Variants in MINDY2 observed in about 807,000 individuals in gnomAD.
The protein encoded by MINDY2 is MINDY lysine 48 deubiquitinase 2, also known as ubiquitin carboxyl-terminal hydrolase MINDY-2.
A neutral mutation model predicts 68.2 loss-of-function variants in MINDY2; 52 were observed. The observed-to-expected ratio is 0.76, with a 90% CI of 0.61 to 0.96. MINDY2 has a LOEUF of 0.96. MINDY2 is among the 40% of genes least tolerant of loss of function. The pLI, the probability that MINDY2 is intolerant of heterozygous loss-of-function variation, is 0.00. For missense variants in MINDY2, 881 were observed against 773.4 expected (o/e 1.14, Z -1.65); for synonymous variants, 372 against 303.0 (o/e 1.23, Z -2.36).
At chr15:58,831,041 G>GTATATATATATATATATATA (rs61211927) in intron 5 of MINDY2, among the ~76,000 whole-genome samples, 75 of 124,908 alleles carry the variant, frequency 6.0e-4, no homozygotes, top group African/African-American at 2.2e-3. Flanking sequence ...GTGTGTGTGT[G>GTATATATATATATATATATA]TATATATATA....
At chr15:58,776,050 G>T (rs1393216413) in intron 1 of MINDY2, among the ~76,000 whole-genome samples, 1 of 152,010 alleles carries the variant, frequency 6.6e-6, no homozygotes, top group African/African-American at 2.4e-5. Flanking sequence ...AGTACAGACA[G>T]GGTTTCACCA....
intron 2 of MINDY2, among the ~76,000 whole-genome samples, chr15:58,798,413 C>G (rs556220745): frequency 1.3e-5 from 2 of 151,962 alleles, no homozygotes; most frequent in East Asian, 1.9e-4. Flanking sequence ...GCGTGAGCCA[C>G]CACACCCAGA....
intron 2 of MINDY2, among the ~76,000 whole-genome samples, chr15:58,797,256 C>T (rs929339543): frequency 6.6e-6 from 1 of 152,084 alleles, no homozygotes; most frequent in African/African-American, 2.4e-5. Flanking sequence ...CCTTTTATCC[C>T]AGCACTTCGC....
rs1175965095 is a variant in MINDY2, at chr15:58,860,993, C to T, written c.*6383C>T. 2 of 152,092 alleles carry T rather than the reference C, an allele frequency of 1.3e-5. No homozygotes were observed. Among genetic ancestry groups the T allele is most frequent in the Non-Finnish European group, 2.9e-5 (2 of 68,030 alleles). 9.4% of individuals were successfully genotyped at this position (152,092 alleles called of 1,614,324 possible). On this transcript the variant is annotated 3_prime_UTR_variant, in exon 9 of 9. Transcript: ENST00000559228. ...ACAGATTCACACATTACAAGTAGGA[C>T]AGTATAACAGGAGATTGGTGTGTGA...
chr15:58,827,575 T>TG (rs1460213119), intron 5 of MINDY2, among the ~76,000 whole-genome samples: 1 of 152,132 alleles, frequency 6.6e-6, no homozygotes, highest in Non-Finnish European at 1.5e-5. Flanking sequence ...GCCGTTCTCT[T>TG]GCCTCAGCCT....
rs1033267994 is a variant in MINDY2 at position 58,861,709 on chromosome 15, A to C, written c.*7099A>C. 5 of 152,200 alleles carry C rather than the reference A, an allele frequency of 3.3e-5. No individual in the cohort carries two copies. The highest frequency in any genetic ancestry group is 5.9e-5 in the Non-Finnish European group (4 of 68,042). 9.4% of individuals were successfully genotyped at this position (152,200 alleles called of 1,614,324 possible). On this transcript the variant is annotated 3_prime_UTR_variant, in exon 9 of 9. Transcript: ENST00000559228. ...GATGGTAAAGTATAAAATATTTCTG[A>C]CAGAATTATTCAGTATTATTCAACA...
chr15:58,808,715 C>A (rs1409137242), intron 3 of MINDY2, among the ~76,000 whole-genome samples: 1 of 152,190 alleles, frequency 6.6e-6, no homozygotes, highest in Non-Finnish European at 1.5e-5. Flanking sequence ...TGCCATTCTC[C>A]TGCCTCAGCC....
At chr15:58,826,825 C>G (rs2031426490) in intron 5 of MINDY2, among the ~76,000 whole-genome samples, 1 of 152,056 alleles carries the variant, frequency 6.6e-6, no homozygotes, top group African/African-American at 2.4e-5. Context: ...CTTCTGTAAT[C>G]TAGAATAGTT....
At position 58,786,292 on chromosome 15, in the gene MINDY2, CAAAAT is replaced by C. The variant is rs558641222; in HGVS notation, c.841-1611_841-1607del. Among the ~76,000 whole-genome samples the C allele has an allele frequency of 2.0e-4, 30 of 152,272 alleles. No individual in the cohort carries two copies. The East Asian group carries it at 5.6e-3, about 28-fold the overall frequency. On this transcript the variant is annotated intron_variant, in intron 1 of 8. Coordinates refer to ENST00000559228, the MANE Select transcript of MINDY2 (RefSeq NM_001040450.3). The stretch of plus-strand genomic sequence containing the variant: ...TTTAAAGGATTTCTTTGGATGAACA[CAAAAT>C]AATTGGTGAAGAATTTTTAACAATG...
intron 3 of MINDY2, among the ~76,000 whole-genome samples, chr15:58,806,052 C>T (rs746096621): frequency 8.5e-5 from 13 of 152,178 alleles, no homozygotes; most frequent in East Asian, 7.7e-4. Flanking sequence ...CCAGCCCGGG[C>T]GACAGAGCGA....
At chr15:58,773,563 A>G (rs925088655) in intron 1 of MINDY2, among the ~76,000 whole-genome samples, 1 of 152,174 alleles carries the variant, frequency 6.6e-6, no homozygotes, top group African/African-American at 2.4e-5. Context: ...AAGTTATATG[A>G]GACAAGTGGT....
chr15:58,796,818 T>A (rs1902315595), intron 2 of MINDY2, among the ~76,000 whole-genome samples: 1 of 152,234 alleles, frequency 6.6e-6, no homozygotes, highest in South Asian at 2.1e-4. Context: ...CCACTGCACC[T>A]GGCCATTTAT....
intron 2 of MINDY2, among the ~76,000 whole-genome samples, chr15:58,798,291 A>ATT (rs754213911): frequency 1.5e-5 from 2 of 131,148 alleles, no homozygotes; most frequent in Non-Finnish European, 1.7e-5. Flanking sequence ...TAATTTTTGT[A>ATT]TTTTTTTTTT....
At chr15:58,795,934 A>T (rs1343288975) in intron 2 of MINDY2, 1 of 358,420 alleles carries the variant, frequency 2.8e-6, no homozygotes, top group East Asian at 7.4e-5. Context: ...GGTAGAATGA[A>T]GTCAAGAGAG....
intron 1 of MINDY2, among the ~76,000 whole-genome samples, chr15:58,784,026 A>G (rs752362495): frequency 6.6e-6 from 1 of 152,106 alleles, no homozygotes; most frequent in Non-Finnish European, 1.5e-5. Context: ...TCTTGTGCTT[A>G]TATTAATAAT....
chr15:58,819,539 A>T (rs979918290), intron 4 of MINDY2, among the ~76,000 whole-genome samples: 2 of 151,964 alleles, frequency 1.3e-5, no homozygotes, highest in Non-Finnish European at 2.9e-5. Flanking sequence ...TAGAGACAGG[A>T]GTTTTGCTGT....
intron 7 of MINDY2, among the ~76,000 whole-genome samples, chr15:58,848,411 A>C (rs1184778604): frequency 6.6e-6 from 1 of 152,202 alleles, no homozygotes; most frequent in Non-Finnish European, 1.5e-5. Flanking sequence ...TATATGTTCT[A>C]TAATGGCAAT....
chr15:58,808,403 A>G (rs1288126810), intron 3 of MINDY2, among the ~76,000 whole-genome samples: 2 of 152,058 alleles, frequency 1.3e-5, no homozygotes, highest in Non-Finnish European at 2.9e-5. Flanking sequence ...GCAACCACTG[A>G]TCTTTTTTAC....
chr15:58,821,439 A>C (rs1354925431), intron 4 of MINDY2, among the ~76,000 whole-genome samples: 1 of 151,706 alleles, frequency 6.6e-6, no homozygotes, highest in Non-Finnish European at 1.5e-5. Context: ...ATACATGTTT[A>C]TGACCTTAAG....
Sources: allele counts gnomAD v4.1 joint callset (sites outside exome capture counted in the v4.1 genomes callset), GRCh38; gene constraint gnomAD v4.1.1; transcripts MANE v1.5; gene names NCBI Gene and HGNC (gene_info 2026-07-23, HGNC 2026-07-21).